ULK4: variants seen among roughly 807,000 people sequenced by gnomAD.
ULK4 encodes the protein unc-51 like kinase 4, also known as inactive serine/threonine-protein kinase ULK4.
A neutral mutation model predicts 160.6 loss-of-function variants in ULK4; 133 were observed. The observed-to-expected ratio is 0.83, with a 90% CI of 0.72 to 0.96. The LOEUF is 0.96. Among genes scored for constraint, ULK4 ranks in the 40% least tolerant of loss-of-function variants. The pLI is 0.00. For synonymous variants in ULK4, 534 were observed against 539.8 expected (o/e 0.99, Z 0.15); for missense variants, 1,580 against 1,499.5 (o/e 1.05, Z -0.89).
intron 30 of ULK4, among the ~76,000 whole-genome samples, chr3:41,640,586 A>G (rs544798492): frequency 6.6e-6 from 1 of 152,290 alleles, no homozygotes; most frequent in Admixed American, 6.5e-5. Context: ...AAGCTTCAAT[A>G]GGAAACACAC....
chr3:41,631,997 C>A (rs2033766952), intron 30 of ULK4, among the ~76,000 whole-genome samples: 1 of 152,220 alleles, frequency 6.6e-6, no homozygotes, highest in Admixed American at 6.5e-5. Flanking sequence ...CACTCTCTCT[C>A]TGAACCTCGT....
intron 2 of ULK4, among the ~76,000 whole-genome samples, chr3:41,954,158 C>T (rs536155037): frequency 4.3e-4 from 55 of 128,208 alleles, no homozygotes; most frequent in South Asian, 7.6e-4. Context: ...GCCTGGGCGA[C>T]AGAGTGAGAC....
At chr3:41,279,255 T>TAAAA (rs771175184) in intron 35 of ULK4, among the ~76,000 whole-genome samples, 42 of 43,040 alleles carry the variant, frequency 9.8e-4, no homozygotes, top group African/African-American at 4.1e-3. Context: ...AAAAAAAGAG[T>TAAAA]AAAAAAAAAA....
chr3:41,772,705 C>T (rs1174104795), intron 21 of ULK4, among the ~76,000 whole-genome samples: 1 of 152,172 alleles, frequency 6.6e-6, no homozygotes, highest in African/African-American at 2.4e-5. Context: ...AGGGAATCCT[C>T]CCTAACTCAT....
At chr3:41,659,421 C>T (rs1022296845) in intron 30 of ULK4, among the ~76,000 whole-genome samples, 14 of 152,182 alleles carry the variant, frequency 9.2e-5, no homozygotes, top group Non-Finnish European at 1.3e-4. Context: ...GACCAACGAA[C>T]TATTGGCAAA....
intron 34 of ULK4, among the ~76,000 whole-genome samples, chr3:41,407,728 G>A (rs1462687688): frequency 6.6e-6 from 1 of 152,072 alleles, no homozygotes; most frequent in East Asian, 1.9e-4. Context: ...ACTGATAAAG[G>A]ACATCTATGA....
At chr3:41,588,475 C>A (rs558666931) in intron 31 of ULK4, among the ~76,000 whole-genome samples, 1 of 152,246 alleles carries the variant, frequency 6.6e-6, no homozygotes, top group African/African-American at 2.4e-5. Context: ...CCACTCTGAA[C>A]TTTTATCTAT....
rs150543802 is a variant in ULK4 at position 41,880,042 on chromosome 3, C to T, written c.1656+3832G>A. ...GGCTGAGGCAGGAGAATCGTTTGAA[C>T]CTGGGTGACAGAGGTTGCAGTGAGC... On this transcript the variant is annotated intron_variant, in intron 17 of 36. Coordinates refer to ENST00000301831, the MANE Select transcript of ULK4 (RefSeq NM_017886.4). Among the ~76,000 whole-genome samples the T allele has an allele frequency of 3.6e-3, 551 of 152,206 alleles. 2 individuals carry two copies. The highest frequency in any genetic ancestry group is 0.012 in the African/African-American group (508 of 41,544).
At chr3:41,384,054 C>G (rs984800369) in intron 35 of ULK4, among the ~76,000 whole-genome samples, 2 of 152,110 alleles carry the variant, frequency 1.3e-5, no homozygotes, top group Non-Finnish European at 2.9e-5. Context: ...TCCAAGCATG[C>G]CTTAGTGATT....
At chr3:41,736,784 T>C (rs988131373) in intron 22 of ULK4, among the ~76,000 whole-genome samples, 1 of 151,506 alleles carries the variant, frequency 6.6e-6, no homozygotes, top group South Asian at 2.1e-4. Flanking sequence ...ATGTCCTGAA[T>C]GGTATTGCCT....
intron 32 of ULK4, among the ~76,000 whole-genome samples, chr3:41,512,292 G>T (rs1203460310): frequency 6.6e-6 from 1 of 152,112 alleles, no homozygotes; most frequent in Non-Finnish European, 1.5e-5. Flanking sequence ...TCAGACAAGA[G>T]AAAGAAATAA....
chr3:41,597,943 G>C (rs936593678), intron 31 of ULK4, among the ~76,000 whole-genome samples: 1 of 152,140 alleles, frequency 6.6e-6, no homozygotes, highest in Non-Finnish European at 1.5e-5. Context: ...CTCTTAACAC[G>C]CATTTCCCTA....
intron 22 of ULK4, among the ~76,000 whole-genome samples, chr3:41,732,721 G>C (rs538043554): frequency 6.6e-6 from 1 of 152,140 alleles, no homozygotes; most frequent in East Asian, 1.9e-4. Flanking sequence ...ATCAACCTAC[G>C]TGTCCATCAA....
intron 32 of ULK4, among the ~76,000 whole-genome samples, chr3:41,512,997 A>C (rs1359027663): frequency 2.4e-5 from 1 of 41,430 alleles, no homozygotes; most frequent in Non-Finnish European, 1.2e-4. Context: ...GTAACTTACT[A>C]ATCAGCTAAC....
rs201011327 is a variant in ULK4, at chr3:41,398,181, C to T, written c.3576G>A (p.Pro1192=). The T allele has an allele frequency of 1.3e-4, 206 of 1,613,388 alleles. 3 individuals carry two copies. In the East Asian group the frequency reaches 4.2e-3, roughly 33 times the overall value. The change falls in exon 35 of 37, where the codon CCG becomes CCA. Residue 1192 remains proline (P), a synonymous_variant. Transcript: ENST00000301831. ...CCACATTTTCAGGAGAGAGGCTGTC[C>T]GGGTTTTCCCCTCCATACAGCTGAA... is the stretch of plus-strand genomic sequence containing the variant. The part of the protein sequence containing the change: ...ILVQLYGGEN[P]DSLSPENVEI...
rs11705749 is a variant in ULK4, at chr3:41,905,802, C to A, written c.1182+2043G>T. ...GAAATTCACACCTACTAGCTGGGCG[C>A]GGTGGCTCACGTCTGTAATCCAAAC... is the stretch of plus-strand genomic sequence containing the variant. On this transcript the variant is annotated intron_variant, in intron 12 of 36. Transcript: ENST00000301831. Among the ~76,000 whole-genome samples the A allele has an allele frequency of 3.8e-4, 58 of 152,070 alleles. 1 individual carries two copies. Among genetic ancestry groups the A allele is most frequent in the African/African-American group, 1.3e-3 (54 of 41,446 alleles).
intron 17 of ULK4, among the ~76,000 whole-genome samples, chr3:41,866,373 T>C (rs1215641111): frequency 6.6e-6 from 1 of 152,240 alleles, no homozygotes; most frequent in Non-Finnish European, 1.5e-5. Context: ...ATCAGTTTTG[T>C]GGAAGACAAT....
intron 20 of ULK4, among the ~76,000 whole-genome samples, chr3:41,799,369 G>C (rs2040391420): frequency 6.6e-6 from 1 of 152,060 alleles, no homozygotes; most frequent in Non-Finnish European, 1.5e-5. Context: ...TAAAGTAGTA[G>C]GCAACCCATC....
At chr3:41,684,549 G>C (rs1157606654) in intron 27 of ULK4, among the ~76,000 whole-genome samples, 1 of 152,222 alleles carries the variant, frequency 6.6e-6, no homozygotes, top group Non-Finnish European at 1.5e-5. Flanking sequence ...AGGACCTGGA[G>C]ACTGAGACAC....
Sources: allele counts gnomAD v4.1 joint callset (sites outside exome capture counted in the v4.1 genomes callset), GRCh38; gene constraint gnomAD v4.1.1; transcripts MANE v1.5; gene names NCBI Gene and HGNC (gene_info 2026-07-23, HGNC 2026-07-21).